The following PON3 variants were observed in gnomAD, a reference collection of about 807,000 sequenced individuals.
PON3 encodes serum paraoxonase/lactonase 3.
In PON3, 37 loss-of-function variants were observed where a neutral mutation model predicts 36.3. The observed-to-expected ratio is 1.02, with a 90% CI of 0.78 to 1.34. PON3 has a LOEUF of 1.34. PON3 is among the 40% of genes most tolerant of loss of function. The pLI is 0.00. For missense variants in PON3, 415 were observed against 426.5 expected, an observed-to-expected ratio of 0.97 and a Z score of 0.24; for synonymous variants, 155 against 154.8, an observed-to-expected ratio of 1.00 and a Z score of -0.01.
chr7:95,383,604 T>C (rs1029969395), intron 3 of PON3, among the ~76,000 whole-genome samples: 3 of 152,168 alleles, frequency 2.0e-5, no homozygotes, highest in Non-Finnish European at 4.4e-5. Context: ...CCATTCACAA[T>C]TGCTTCAAAG....
intron 3 of PON3, among the ~76,000 whole-genome samples, chr7:95,388,633 T>C (rs183239670): frequency 3.9e-5 from 6 of 152,308 alleles, no homozygotes; most frequent in Admixed American, 2.0e-4. Context: ...TAAAGACACA[T>C]GCACATGTAT....
intron 3 of PON3, among the ~76,000 whole-genome samples, chr7:95,389,085 A>C (rs529986974): frequency 2.6e-5 from 4 of 152,216 alleles, no homozygotes; most frequent in Admixed American, 2.6e-4. Flanking sequence ...ACTTAAAAGT[A>C]TAATAAAAAA....
Position 95,364,075 on chromosome 7 carries a change from G to A in PON3, c.495-12C>T, listed in dbSNP as rs751109568. ...CAATGTCATTCACACTAAAGTGAAA[G>A]GGAGGTGGAAAAAGAGACCCATGAG... On this transcript the variant is annotated splice_polypyrimidine_tract_variant and intron_variant, in intron 5 of 8. Transcript: ENST00000265627. The A allele has an allele frequency of 3.4e-5, 54 of 1,610,632 alleles. No homozygotes were observed. Among genetic ancestry groups the A allele is most frequent in the Non-Finnish European group, 4.6e-5 (54 of 1,177,022 alleles).
chr7:95,383,352 A>G (rs907062904), intron 3 of PON3, among the ~76,000 whole-genome samples: 38 of 152,286 alleles, frequency 2.5e-4, no homozygotes, highest in African/African-American at 8.9e-4. Context: ...GTTCTCGCCA[A>G]GGCAATCAGG....
chr7:95,394,986 A>T (rs1049987694), intron 1 of PON3, among the ~76,000 whole-genome samples: 5 of 152,188 alleles, frequency 3.3e-5, no homozygotes, highest in Non-Finnish European at 7.3e-5. Flanking sequence ...CAAATAAAAG[A>T]CACTATTTAA....
At position 95,380,096 on chromosome 7, in the gene PON3, C is replaced by T. The variant is rs181304111; in HGVS notation, c.202-7758G>A. Among the ~76,000 whole-genome samples, 25 of 152,296 alleles carry T rather than the reference C, an allele frequency of 1.6e-4. 1 individual carries two copies. The East Asian group carries it at 2.9e-3, about 18-fold the overall frequency. On this transcript the variant is annotated intron_variant, in intron 3 of 8. Transcript: ENST00000265627. Reference sequence around the variant, plus strand: ...CTGCTGATACCCAGGCAAACAGGGTCGGAGTGGACCTCCAGCAAACTCCAA... The same window carrying T: ...CTGCTGATACCCAGGCAAACAGGGTTGGAGTGGACCTCCAGCAAACTCCAA...
chr7:95,368,028 A>G (rs1165979902), intron 4 of PON3, among the ~76,000 whole-genome samples: 2 of 152,332 alleles, frequency 1.3e-5, no homozygotes, highest in Non-Finnish European at 1.5e-5. Context: ...CTCAATGGAC[A>G]TGGCATGTAA....
intron 3 of PON3, 115 bp from the exon 4 acceptor site, chr7:95,372,453 G>T (rs536696489): frequency 8.5e-7 from 1 of 1,182,328 alleles, no homozygotes; most frequent in African/African-American, 1.5e-5. Context: ...ATTTCATTTA[G>T]ATTACTGGGC....
At chr7:95,385,690 G>T (rs1585731666) in intron 3 of PON3, among the ~76,000 whole-genome samples, 1 of 152,220 alleles carries the variant, frequency 6.6e-6, no homozygotes, top group Non-Finnish European at 1.5e-5. Flanking sequence ...CTTAGCAAAT[G>T]CAAAAGAACA....
In PON3 at chr7:95,362,745, A is replaced by G; in HGVS notation, c.777+15T>C. On this transcript the variant is annotated intron_variant, in intron 7 of 8. Transcript: ENST00000265627. Reference sequence around the variant, plus strand: ...TAAGAAGTCAGATTGTGTGGGCCAGACAGGGTACTCTTACCTTCAGTTGAG... The same window carrying G: ...TAAGAAGTCAGATTGTGTGGGCCAGGCAGGGTACTCTTACCTTCAGTTGAG... The G allele has an allele frequency of 1.3e-6, 2 of 1,588,300 alleles. No individual in the cohort carries two copies. The highest frequency in any genetic ancestry group is 1.7e-6 in the Non-Finnish European group (2 of 1,156,706).
rs17883077 is a variant in PON3, at chr7:95,376,956, AG to A, written c.202-4619del. 1.8e-3 allele frequency among the ~76,000 whole-genome samples: 281 copies of A among 152,362 alleles called. 2 individuals carry two copies. The highest frequency in any genetic ancestry group is 6.8e-3 in the Middle Eastern group (2 of 294). On this transcript the variant is annotated intron_variant, in intron 3 of 8. Transcript: ENST00000265627. ...AGTGGGGCAGGGCGTCACCTCACCC[AG>A]GAAGTGCAAGGGGTCAGGGGATTTC...
chr7:95,395,635 A>T (rs1490136204), intron 1 of PON3, among the ~76,000 whole-genome samples: 2 of 152,162 alleles, frequency 1.3e-5, no homozygotes, highest in African/African-American at 4.8e-5. Flanking sequence ...TCCACTCATG[A>T]ATGTGTATTA....
intron 6 of PON3, 38 bp downstream of exon 6, chr7:95,363,805 AAAGGAGTCCACGAAAATGTC>A: frequency 6.7e-7 from 1 of 1,496,852 alleles, no homozygotes. Flanking sequence ...CCTCGTAAGG[AAAGGAGTCCACGAAAATGTC>A]AAGGGCAAAG....
chr7:95,390,397 G>A (rs1809293677), intron 2 of PON3, among the ~76,000 whole-genome samples, 188 bp from the exon 3 acceptor site: 1 of 152,190 alleles, frequency 6.6e-6, no homozygotes, highest in Non-Finnish European at 1.5e-5. Flanking sequence ...TAAAGCTTGA[G>A]TCAGACTCCT....
intron 3 of PON3, among the ~76,000 whole-genome samples, chr7:95,379,926 T>C (rs1809007935): frequency 6.6e-6 from 1 of 152,172 alleles, no homozygotes; most frequent in Admixed American, 6.5e-5. Context: ...CCCTGACCCC[T>C]GAGTAGCCTA....
chr7:95,388,935 G>C (rs1585733758), intron 3 of PON3, among the ~76,000 whole-genome samples: 1 of 152,180 alleles, frequency 6.6e-6, no homozygotes, highest in Admixed American at 6.5e-5. Flanking sequence ...ACTGGGGCCT[G>C]TCAGGGTGTG....
At chr7:95,362,938 A>G in intron 6 of PON3, 97 bp from the exon 7 acceptor site, 1 of 803,804 alleles carries the variant, frequency 1.2e-6, no homozygotes. Context: ...ACACTCCTTG[A>G]AAGTACCACT....
chr7:95,369,366 G>A (rs527495652), intron 4 of PON3, among the ~76,000 whole-genome samples: 15 of 152,286 alleles, frequency 9.8e-5, no homozygotes, highest in South Asian at 6.2e-4. Flanking sequence ...GGGGAGACAC[G>A]TTCTTCATAG....
At chr7:95,392,764 C>G (rs1364348680) in intron 2 of PON3, among the ~76,000 whole-genome samples, 1 of 152,186 alleles carries the variant, frequency 6.6e-6, no homozygotes, top group Admixed American at 6.5e-5. Context: ...AGTTACTGGT[C>G]CCTTTAATTT....
Sources: gnomAD v4.1 joint callset for allele counts (sites outside exome capture counted in the v4.1 genomes callset) on GRCh38, gnomAD v4.1.1 for gene constraint, MANE v1.5 for transcripts, NCBI Gene and HGNC (gene_info 2026-07-23, HGNC 2026-07-21) for gene names.